The following TTLL1 variants were observed in gnomAD, a reference collection of about 807,000 sequenced individuals.
TTLL1 encodes polyglutamylase complex subunit TTLL1.
A neutral mutation model predicts 47.8 loss-of-function variants in TTLL1; 33 were observed. The ratio of observed to expected loss-of-function variants is 0.69; its 90% CI spans 0.52 to 0.92. The LOEUF (loss-of-function observed/expected upper bound fraction) is 0.92, where lower values mean the gene tolerates loss of function less well. Ranked by LOEUF, TTLL1 falls within the 40% of genes least tolerant of loss-of-function variation. The pLI is 0.00. For synonymous variants in TTLL1, 225 were observed against 214.1 expected (o/e 1.05, Z -0.45); for missense variants, 488 against 547.5 (o/e 0.89, Z 1.08).
chr22:43,052,054 G>A (rs1926672555), intron 8 of TTLL1, 167 bp from the exon 9 acceptor site: 1 of 635,752 alleles, frequency 1.6e-6, no homozygotes. Flanking sequence ...TCCTCCCGCA[G>A]AGCTCAGAGA....
intron 3 of TTLL1, among the ~76,000 whole-genome samples, chr22:43,071,910 C>A (rs183677407): frequency 5.3e-5 from 8 of 152,340 alleles, no homozygotes; most frequent in African/African-American, 1.9e-4. Context: ...GCTGCACTGC[C>A]ATGTACAACA....
intron 10 of TTLL1, among the ~76,000 whole-genome samples, chr22:43,042,430 T>C (rs913622931): frequency 7.2e-5 from 11 of 152,222 alleles, no homozygotes; most frequent in African/African-American, 2.7e-4. Context: ...GCTTTTCTTC[T>C]GGCTTTTCAC....
At chr22:43,075,991 T>C (rs1449398238) in intron 2 of TTLL1, among the ~76,000 whole-genome samples, 1 of 152,118 alleles carries the variant, frequency 6.6e-6, no homozygotes, top group Non-Finnish European at 1.5e-5. Flanking sequence ...GAGGGGCACA[T>C]GGGGCTCTGA....
Position 43,046,488 on chromosome 22 carries a change from G to A in TTLL1, c.1064C>T (p.Ala355Val). The A allele has an allele frequency of 1.2e-6, 2 of 1,614,088 alleles. No individual in the cohort carries two copies. The highest frequency in any genetic ancestry group is 1.7e-6 in the Non-Finnish European group (2 of 1,180,034). Residue 355 changes from alanine (A) to valine (V), a missense_variant, in exon 10 of 11, where the codon GCC (alanine) becomes GTC (valine). By Grantham distance (64) the Ala-to-Val change is moderately conservative. Coordinates refer to ENST00000266254, the MANE Select transcript of TTLL1 (RefSeq NM_012263.5). ...GTCTGGGATTTCACCATTCGGGACG[G>A]CGATGTTGAGGGTGTCATTAATCAG... is the stretch of plus-strand genomic sequence containing the variant. ...YNLINDTLNIAVPNGEIPDCK... is the reference protein window; with the variant it reads ...YNLINDTLNIVVPNGEIPDCK...
intron 8 of TTLL1, 117 bp from the exon 9 acceptor site, chr22:43,052,004 C>T: frequency 1.2e-6 from 1 of 853,226 alleles, no homozygotes; most frequent in Non-Finnish European, 2.0e-6. Context: ...CACAGGTTCC[C>T]ACCCTCCACC....
chr22:43,062,787 A>T (rs1927469186), intron 7 of TTLL1, among the ~76,000 whole-genome samples: 1 of 152,140 alleles, frequency 6.6e-6, no homozygotes, highest in Non-Finnish European at 1.5e-5. Context: ...AGATCATGCC[A>T]CTGCACTCTA....
At chr22:43,062,545 T>G (rs866255091) in intron 7 of TTLL1, among the ~76,000 whole-genome samples, 1 of 151,210 alleles carries the variant, frequency 6.6e-6, no homozygotes, top group East Asian at 1.9e-4. Context: ...CTGCATTATT[T>G]AACGCCAGGC....
In TTLL1 at chr22:43,089,309, AGCGCCCTGCAGGGATGCCTCGAGCC is replaced by A. The variant is rs1459147596; in HGVS notation, c.-147_-123del. 1 of 152,014 alleles carries A rather than the reference AGCGCCCTGCAGGGATGCCTCGAGCC, an allele frequency of 6.6e-6. No individual in the cohort carries two copies. Among genetic ancestry groups the A allele is most frequent in the African/African-American group, 2.4e-5 (1 of 41,356 alleles). 9.4% of individuals were successfully genotyped at this position (152,014 alleles called of 1,614,324 possible). A position where few individuals can be genotyped will look rare whatever the true frequency, so the allele number is the denominator to read the frequency against. On this transcript the variant is annotated 5_prime_UTR_variant, in exon 1 of 11. Transcript: ENST00000266254. ...CTCAGAGCGCCGAGGGACTCGGAGG[AGCGCCCTGCAGGGATGCCTCGAGCC>A]GCGCCCTCGCCCCGCCTCCAGCCCC... is the stretch of plus-strand genomic sequence containing the variant.
At chr22:43,068,853 T>C (rs1317688428) in intron 4 of TTLL1, among the ~76,000 whole-genome samples, 1 of 152,146 alleles carries the variant, frequency 6.6e-6, no homozygotes, top group Admixed American at 6.6e-5. Context: ...CCTGTAATAA[T>C]TCCCATTTAG....
At chr22:43,057,256 G>T (rs1927078306) in intron 8 of TTLL1, among the ~76,000 whole-genome samples, 1 of 142,380 alleles carries the variant, frequency 7.0e-6, no homozygotes, top group African/African-American at 2.6e-5. Flanking sequence ...TCGACAGAAT[G>T]AGACTCCGTC....
In TTLL1 at chr22:43,059,344, G is replaced by A. The variant is rs774300702; in HGVS notation, c.891+40C>T. 5.6e-5 allele frequency: 88 copies of A among 1,581,476 alleles called. No individual in the cohort carries two copies. The Admixed American group carries it at 9.6e-4, about 17-fold the overall frequency. The stretch of plus-strand genomic sequence containing the variant: ...ACAGCAAGCCCCCCCACTCCCAAAC[G>A]GGCCCTGGGAGCCGGCTCCCCCGCC... On this transcript the variant is annotated intron_variant, in intron 8 of 10. Coordinates refer to ENST00000266254, the MANE Select transcript of TTLL1 (RefSeq NM_012263.5).
intron 6 of TTLL1, 133 bp downstream of exon 6, chr22:43,064,057 C>G: frequency 1.3e-6 from 2 of 1,495,422 alleles, no homozygotes. Flanking sequence ...ACTGCTCTTA[C>G]TTCCCTCAAT....
chr22:43,078,486 ACT>A (rs1486006422), intron 2 of TTLL1, among the ~76,000 whole-genome samples: 2 of 151,972 alleles, frequency 1.3e-5, no homozygotes, highest in Admixed American at 6.6e-5. Flanking sequence ...ACACAGCAAG[ACT>A]CTGTCAGAAA....
chr22:43,059,315 A>G (rs1927239094), intron 8 of TTLL1, 69 bp downstream of exon 8: 2 of 1,545,078 alleles, frequency 1.3e-6, no homozygotes, highest in South Asian at 2.4e-5. Flanking sequence ...TTTTTAACAG[A>G]AAGACAGCAA....
At chr22:43,047,749 G>A (rs1364718314) in intron 9 of TTLL1, among the ~76,000 whole-genome samples, 6 of 152,090 alleles carry the variant, frequency 3.9e-5, no homozygotes, top group Admixed American at 2.6e-4. Flanking sequence ...GGTTACAGGC[G>A]TGAGCCACCG....
chr22:43,054,045 G>A (rs1007988198), intron 8 of TTLL1, among the ~76,000 whole-genome samples: 1 of 152,166 alleles, frequency 6.6e-6, no homozygotes, highest in African/African-American at 2.4e-5. Flanking sequence ...CACATACGCC[G>A]TGACACTGGT....
At chr22:43,059,631 T>C (rs1393326728) in intron 7 of TTLL1, 104 bp from the exon 8 acceptor site, 3 of 1,387,306 alleles carry the variant, frequency 2.2e-6, no homozygotes, top group African/African-American at 1.5e-5. Context: ...CCCCTGGGTG[T>C]GGGCATCCAG....
chr22:43,046,343 A>G, intron 10 of TTLL1, 67 bp downstream of exon 10: 1 of 1,574,082 alleles, frequency 6.4e-7, no homozygotes, highest in Non-Finnish European at 8.7e-7. Context: ...CAGAAATCCA[A>G]GCTGGGCTAT....
chr22:43,076,898 G>A (rs1285982026), intron 2 of TTLL1, among the ~76,000 whole-genome samples: 4 of 151,872 alleles, frequency 2.6e-5, no homozygotes, highest in Non-Finnish European at 2.9e-5. Context: ...TCAGGAGATC[G>A]AGACCATCCT....
Sources: gnomAD v4.1 joint callset for allele counts (sites outside exome capture counted in the v4.1 genomes callset) on GRCh38, gnomAD v4.1.1 for gene constraint, MANE v1.5 for transcripts, NCBI Gene and HGNC (gene_info 2026-07-23, HGNC 2026-07-21) for gene names.